EYA4: variants seen among roughly 807,000 people sequenced by gnomAD.
EYA4 encodes the protein protein phosphatase EYA4.
In EYA4, 31 loss-of-function variants were observed where a neutral mutation model predicts 87.9. The ratio of observed to expected loss-of-function variants is 0.35; its 90% CI spans 0.27 to 0.48. The LOEUF is 0.48. Among genes scored for constraint, EYA4 ranks in the 20% least tolerant of loss-of-function variants. The pLI is 0.99. For synonymous variants in EYA4, 263 were observed against 270.6 expected, an observed-to-expected ratio of 0.97 and a Z score of 0.28; for missense variants, 678 against 761.4, an observed-to-expected ratio of 0.89 and a Z score of 1.29.
At position 133,256,838 on chromosome 6, in the gene EYA4, G is replaced by T. The variant is rs187561906; in HGVS notation, c.-66+15089G>T. Among the ~76,000 whole-genome samples, 178 of 151,980 alleles carry T rather than the reference G, an allele frequency of 1.2e-3. 2 individuals are homozygous for T. The highest frequency in any genetic ancestry group is 4.1e-3 in the African/African-American group (170 of 41,506). ...AGAATATTCAGTTCTTGTAGTTTTT[G>T]GTTAAGATTTTGATTAATCTTCAAT... On this transcript the variant is annotated intron_variant, in intron 1 of 19. Coordinates refer to ENST00000355286, the MANE Select transcript of EYA4 (RefSeq NM_004100.5).
chr6:133,438,072 G>A (rs1014829224), intron 3 of EYA4, among the ~76,000 whole-genome samples: 1 of 152,002 alleles, frequency 6.6e-6, no homozygotes, highest in South Asian at 2.1e-4. Flanking sequence ...AGAAAATGAA[G>A]TGTCACAATT....
chr6:133,403,470 T>C (rs1420282012), intron 3 of EYA4, among the ~76,000 whole-genome samples: 1 of 152,230 alleles, frequency 6.6e-6, no homozygotes, highest in African/African-American at 2.4e-5. Flanking sequence ...ATGCCTGCTT[T>C]AACCACAGGG....
intron 13 of EYA4, among the ~76,000 whole-genome samples, chr6:133,487,260 C>A (rs956863350): frequency 2.6e-5 from 4 of 152,202 alleles, no homozygotes; most frequent in Admixed American, 1.3e-4. Context: ...CAAATCATCA[C>A]CACCATGGGA....
At chr6:133,259,192 G>C (rs1299748871) in intron 1 of EYA4, among the ~76,000 whole-genome samples, 1 of 152,074 alleles carries the variant, frequency 6.6e-6, no homozygotes, top group Non-Finnish European at 1.5e-5. Context: ...GGGAAACAAA[G>C]ATTTTTTTTT....
At chr6:133,463,465 A>G (rs1245666373) in intron 9 of EYA4, among the ~76,000 whole-genome samples, 1 of 147,644 alleles carries the variant, frequency 6.8e-6, no homozygotes, top group Non-Finnish European at 1.5e-5. Context: ...GGTTCAAGCG[A>G]TTCTCCTGCC....
At chr6:133,410,959 C>G (rs967519370) in intron 3 of EYA4, among the ~76,000 whole-genome samples, 2 of 152,026 alleles carry the variant, frequency 1.3e-5, no homozygotes, top group African/African-American at 4.8e-5. Context: ...TGCTGTTCCT[C>G]CCTGCCCTTC....
intron 2 of EYA4, among the ~76,000 whole-genome samples, chr6:133,314,237 A>G (rs1780458987): frequency 6.6e-6 from 1 of 152,200 alleles, no homozygotes; most frequent in Non-Finnish European, 1.5e-5. Context: ...GTAGCACCGT[A>G]TGTGCCAATG....
intron 2 of EYA4, among the ~76,000 whole-genome samples, chr6:133,334,544 A>G (rs372753034): frequency 4.0e-4 from 61 of 152,316 alleles, no homozygotes; most frequent in African/African-American, 1.4e-3. Context: ...TTTTCCTGCT[A>G]CCATGTGTCT....
chr6:133,269,899 G>A (rs1295444958), intron 1 of EYA4, among the ~76,000 whole-genome samples: 1 of 152,162 alleles, frequency 6.6e-6, no homozygotes, highest in African/African-American at 2.4e-5. Context: ...GCAAGCTGAG[G>A]AGCAAGGAGA....
intron 13 of EYA4, among the ~76,000 whole-genome samples, chr6:133,494,354 T>C (rs1797441885): frequency 6.6e-6 from 1 of 152,102 alleles, no homozygotes; most frequent in South Asian, 2.1e-4. Flanking sequence ...ATTTGGAAGC[T>C]AAAAAACGAA....
At chr6:133,342,859 T>C (rs1782906022) in intron 2 of EYA4, among the ~76,000 whole-genome samples, 1 of 152,114 alleles carries the variant, frequency 6.6e-6, no homozygotes, top group Non-Finnish European at 1.5e-5. Flanking sequence ...ATTTTAAAAA[T>C]ATGGTACAGA....
chr6:133,422,219 G>A (rs753735751), intron 3 of EYA4, among the ~76,000 whole-genome samples: 2 of 151,960 alleles, frequency 1.3e-5, no homozygotes, highest in Admixed American at 6.6e-5. Flanking sequence ...CTGAGATATC[G>A]ACCCCATTGC....
chr6:133,375,589 A>G (rs964739353), intron 2 of EYA4, among the ~76,000 whole-genome samples: 1 of 151,876 alleles, frequency 6.6e-6, no homozygotes, highest in Non-Finnish European at 1.5e-5. Context: ...ACTAGAAACC[A>G]GGATAATCTA....
chr6:133,322,205 T>C (rs1193280165), intron 2 of EYA4, among the ~76,000 whole-genome samples: 1 of 152,196 alleles, frequency 6.6e-6, no homozygotes, highest in Non-Finnish European at 1.5e-5. Context: ...CATTTAATAT[T>C]CACACCCAGA....
At chr6:133,254,114 A>G (rs185406572) in intron 1 of EYA4, among the ~76,000 whole-genome samples, 98 of 152,260 alleles carry the variant, frequency 6.4e-4, no homozygotes, top group African/African-American at 2.3e-3. Flanking sequence ...CTGATTTTCT[A>G]GTGGAAAAAC....
chr6:133,527,813 T>TTATAC (rs1800757184), intron 19 of EYA4, among the ~76,000 whole-genome samples: 1 of 152,218 alleles, frequency 6.6e-6, no homozygotes, highest in African/African-American at 2.4e-5. Flanking sequence ...CATGAATATT[T>TTATAC]TATACGTACA....
intron 2 of EYA4, chr6:133,325,230 T>A (rs957130596): frequency 6.6e-6 from 1 of 152,258 alleles, no homozygotes; most frequent in African/African-American, 2.4e-5. Flanking sequence ...TAAAGCCAGC[T>A]GGCACATTTA....
At chr6:133,249,618 G>C (rs1774720707) in intron 1 of EYA4, among the ~76,000 whole-genome samples, 2 of 152,188 alleles carry the variant, frequency 1.3e-5, no homozygotes, top group Admixed American at 1.3e-4. Flanking sequence ...GAAAACTGCA[G>C]TTCTCAAATA....
intron 1 of EYA4, among the ~76,000 whole-genome samples, chr6:133,244,399 A>G (rs1345002018): frequency 6.6e-6 from 1 of 152,124 alleles, no homozygotes; most frequent in Non-Finnish European, 1.5e-5. Context: ...TAGTAGGCTT[A>G]AGTTTTAAAA....
Sources: gnomAD v4.1 joint callset for allele counts (sites outside exome capture counted in the v4.1 genomes callset) on GRCh38, gnomAD v4.1.1 for gene constraint, MANE v1.5 for transcripts, NCBI Gene and HGNC (gene_info 2026-07-23, HGNC 2026-07-21) for gene names.